Variants in ROBO2 observed in about 807,000 individuals in gnomAD.
ROBO2 encodes roundabout guidance receptor 2.
A neutral mutation model predicts 160.8 loss-of-function variants in ROBO2; 53 were observed. The ratio of observed to expected loss-of-function variants is 0.33; its 90% CI spans 0.26 to 0.41. The LOEUF (loss-of-function observed/expected upper bound fraction) is 0.41, where lower values mean the gene tolerates loss of function less well. ROBO2 is among the 10% of genes least tolerant of loss of function. ROBO2 has a pLI of 1.00. For missense variants in ROBO2, 1,577 were observed against 1,722.4 expected, an observed-to-expected ratio of 0.92 and a Z score of 1.49; for synonymous variants, 664 against 611.7, an observed-to-expected ratio of 1.09 and a Z score of -1.26.
intron 2 of ROBO2, among the ~76,000 whole-genome samples, chr3:76,462,431 T>C (rs764078518): frequency 2.6e-5 from 4 of 152,152 alleles, no homozygotes; most frequent in Non-Finnish European, 4.4e-5. Context: ...GACGTGTATA[T>C]GACTAAAACA....
intron 2 of ROBO2, among the ~76,000 whole-genome samples, chr3:77,336,337 C>G (rs569133992): frequency 1.3e-5 from 2 of 152,228 alleles, no homozygotes; most frequent in Admixed American, 1.3e-4. Context: ...AACATTTATC[C>G]AACAAGCAAC....
chr3:75,933,923 C>G (rs1211382219), intron 1 of ROBO2, among the ~76,000 whole-genome samples: 2 of 152,128 alleles, frequency 1.3e-5, no homozygotes. Context: ...TGTAATGCAT[C>G]TCTTAAACTG....
At chr3:76,901,748 C>G (rs1485070741) in intron 2 of ROBO2, among the ~76,000 whole-genome samples, 1 of 151,938 alleles carries the variant, frequency 6.6e-6, no homozygotes, top group Middle Eastern at 3.2e-3. Context: ...TGTTAAAGCA[C>G]TTTTTGACCC....
intron 2 of ROBO2, among the ~76,000 whole-genome samples, chr3:77,327,347 G>C (rs762873177): frequency 1.3e-4 from 20 of 152,118 alleles, no homozygotes; most frequent in Non-Finnish European, 2.8e-4. Flanking sequence ...TTCGAGGGTC[G>C]GAGAAACTGA....
intron 2 of ROBO2, among the ~76,000 whole-genome samples, chr3:76,609,044 C>T (rs990448578): frequency 2.6e-5 from 4 of 152,284 alleles, no homozygotes; most frequent in African/African-American, 7.2e-5. Context: ...CTTAGCTATC[C>T]GTAATGCTAC....
chr3:77,308,217 ATG>A (rs1272837283), intron 2 of ROBO2, among the ~76,000 whole-genome samples: 1 of 151,794 alleles, frequency 6.6e-6, no homozygotes, highest in Non-Finnish European at 1.5e-5. Flanking sequence ...CGTTCTTTTC[ATG>A]TGAGAGATAA....
chr3:77,625,171 A>G, intron 23 of ROBO2, among the ~76,000 whole-genome samples: 1 of 152,172 alleles, frequency 6.6e-6, no homozygotes, highest in East Asian at 1.9e-4. Context: ...AAAAAGAAGA[A>G]AATATCAGCA....
chr3:76,952,862 T>A (rs2079039122), intron 2 of ROBO2, among the ~76,000 whole-genome samples: 1 of 152,230 alleles, frequency 6.6e-6, no homozygotes, highest in Non-Finnish European at 1.5e-5. Context: ...AATTTTTGTA[T>A]TTAATGACTA....
intron 2 of ROBO2, among the ~76,000 whole-genome samples, chr3:76,460,833 C>G (rs6785258): frequency 0.31 from 46,539 of 152,026 alleles, 7,484 homozygotes; most frequent in East Asian, 0.37. Flanking sequence ...CTGGAATAAT[C>G]TGTGATGCAG....
chr3:76,853,136 CTATTT>C (rs1423285873), intron 2 of ROBO2, among the ~76,000 whole-genome samples: 1 of 151,980 alleles, frequency 6.6e-6, no homozygotes, highest in African/African-American at 2.4e-5. Context: ...CATATTGTTA[CTATTT>C]AACTCTTGGA....
Position 76,316,829 on chromosome 3 carries a change from T to A in ROBO2, c.109+379227T>A, listed in dbSNP as rs75965689. On this transcript the variant is annotated intron_variant, in intron 2 of 26. Transcript: ENST00000487694. ...ATTAAAATGAAATCTTCACAATTTA[T>A]GTTCCTCGGCCGCGGCTCCAGCCAG... Among the ~76,000 whole-genome samples, 1,353 of 152,328 alleles carry A rather than the reference T, an allele frequency of 8.9e-3. 51 individuals carry two copies. In the East Asian group the frequency reaches 0.11, roughly 12 times the overall value.
At chr3:76,382,238 G>A (rs1197913451) in intron 2 of ROBO2, among the ~76,000 whole-genome samples, 1 of 152,176 alleles carries the variant, frequency 6.6e-6, no homozygotes, top group East Asian at 1.9e-4. Flanking sequence ...AAAATTCTGG[G>A]ATCACAGGCA....
chr3:76,449,428 T>C (rs2077362447), intron 2 of ROBO2, among the ~76,000 whole-genome samples: 1 of 152,112 alleles, frequency 6.6e-6, no homozygotes, highest in Non-Finnish European at 1.5e-5. Flanking sequence ...CATGGGTGAA[T>C]GTAAAGAAAT....
intron 2 of ROBO2, among the ~76,000 whole-genome samples, chr3:77,123,903 GTAGA>G (rs1044190213): frequency 1.5e-4 from 20 of 129,488 alleles, no homozygotes; most frequent in Non-Finnish European, 2.6e-4. Flanking sequence ...ACATATCTAT[GTAGA>G]TAGATATATA....
At chr3:77,367,943 T>G (rs577984612) in intron 2 of ROBO2, among the ~76,000 whole-genome samples, 3 of 152,286 alleles carry the variant, frequency 2.0e-5, no homozygotes, top group South Asian at 4.1e-4. Flanking sequence ...TATGGAAAAC[T>G]AAATTTTCTT....
At chr3:76,854,054 C>G (rs867287957) in intron 2 of ROBO2, among the ~76,000 whole-genome samples, 8 of 85,380 alleles carry the variant, frequency 9.4e-5, no homozygotes, top group Non-Finnish European at 2.0e-4. Context: ...CTCTCTCTCT[C>G]TCTCTCTCTC....
At chr3:76,186,143 G>A (rs1431552020) in intron 2 of ROBO2, among the ~76,000 whole-genome samples, 1 of 151,724 alleles carries the variant, frequency 6.6e-6, no homozygotes, top group Non-Finnish European at 1.5e-5. Context: ...ATGTTGTCCA[G>A]GCTGGTCTCA....
intron 2 of ROBO2, among the ~76,000 whole-genome samples, chr3:76,742,470 G>A (rs2093818183): frequency 6.6e-6 from 1 of 152,080 alleles, no homozygotes; most frequent in Non-Finnish European, 1.5e-5. Context: ...GCACTGAAAG[G>A]AAGATGTGAA....
At chr3:76,035,238 C>T (rs1559853949) in intron 2 of ROBO2, among the ~76,000 whole-genome samples, 1 of 148,616 alleles carries the variant, frequency 6.7e-6, no homozygotes, top group Non-Finnish European at 1.5e-5. Flanking sequence ...ATGTCTGGCA[C>T]ATATTTGGTA....
Sources: allele counts gnomAD v4.1 joint callset (sites outside exome capture counted in the v4.1 genomes callset), GRCh38; gene constraint gnomAD v4.1.1; transcripts MANE v1.5; gene names NCBI Gene and HGNC (gene_info 2026-07-23, HGNC 2026-07-21).